The following EPHB4 variants were observed in gnomAD, a reference collection of about 807,000 sequenced individuals.
EPHB4 encodes EPH receptor B4.
Under a neutral mutation model 110.6 loss-of-function variants are expected in EPHB4, and 50 were observed. That is an observed-to-expected ratio of 0.45 (90% CI 0.36 to 0.57). The LOEUF (loss-of-function observed/expected upper bound fraction) is 0.57, where lower values mean the gene tolerates loss of function less well. Among genes scored for constraint, EPHB4 ranks in the 20% least tolerant of loss-of-function variants. The pLI is 0.00. For synonymous variants in EPHB4, 592 were observed against 578.4 expected (o/e 1.02, Z -0.34); for missense variants, 1,128 against 1,382.1 (o/e 0.82, Z 2.91).
chr7:100,809,508 C>T (rs930197692), intron 12 of EPHB4, among the ~76,000 whole-genome samples: 2 of 152,118 alleles, frequency 1.3e-5, no homozygotes, highest in African/African-American at 4.8e-5. Flanking sequence ...CCAGTTTCAC[C>T]TGTGCTGGTC....
intron 5 of EPHB4, 115 bp downstream of exon 5, chr7:100,820,026 A>G (rs1166266860): frequency 1.3e-6 from 2 of 1,511,760 alleles, no homozygotes; most frequent in Non-Finnish European, 1.8e-6. Flanking sequence ...GGCTAGGGAC[A>G]AGCATGCCAG....
chr7:100,822,854 C>T lies in EPHB4; in HGVS notation c.412-187G>A, dbSNP rs1449911729. Among the ~76,000 whole-genome samples, 2 of 152,222 alleles carry T rather than the reference C, an allele frequency of 1.3e-5. No homozygotes were observed. The highest frequency in any genetic ancestry group is 2.9e-5 in the Non-Finnish European group (2 of 68,044). ...TCCATTCAGCCTTGCAAAGCTCCTG[C>T]GATATGCCCGGCCTCTGGCCTGCAC... On this transcript the variant is annotated intron_variant, in intron 3 of 16. Coordinates refer to ENST00000358173, the MANE Select transcript of EPHB4 (RefSeq NM_004444.5). The surrounding 1 kb of genome is among the most constrained non-coding windows in gnomAD (Gnocchi z 4.7).
chr7:100,814,403 G>T (rs1401708389), intron 8 of EPHB4, among the ~76,000 whole-genome samples: 1 of 152,122 alleles, frequency 6.6e-6, no homozygotes, highest in Non-Finnish European at 1.5e-5. Flanking sequence ...TCAGCCTCCT[G>T]AGTAGCTGGG....
intron 4 of EPHB4, among the ~76,000 whole-genome samples, chr7:100,821,686 C>G (rs1353708214): frequency 6.6e-6 from 1 of 150,906 alleles, no homozygotes; most frequent in Non-Finnish European, 1.5e-5. Flanking sequence ...CCAGGCTGAT[C>G]TCGAACTCCT....
intron 5 of EPHB4, 123 bp downstream of exon 5, chr7:100,820,018 C>G: frequency 6.7e-7 from 1 of 1,499,906 alleles, no homozygotes; most frequent in Non-Finnish European, 8.9e-7. Context: ...TTCCTCCGGG[C>G]TAGGGACAAG....
chr7:100,805,209 C>T lies in EPHB4; in HGVS notation c.2791G>A (p.Ala931Thr), dbSNP rs1304579305. 1 of 1,613,014 alleles carries T rather than the reference C, an allele frequency of 6.2e-7. No homozygotes were observed. The highest frequency in any genetic ancestry group is 8.5e-7 in the Non-Finnish European group (1 of 1,179,526). ...ACCAGCTCGAAGGAGCCAAAGCCAG[C>T]GGCTGCGAAACTTTCTTCGTATCTT... Reference protein sequence around the residue: ...MGRYEESFAAAGFGSFELVSQ... With the variant: ...MGRYEESFAATGFGSFELVSQ... The change falls in exon 16 of 17, where the codon GCT (alanine) becomes ACT (threonine). Residue 931 changes from alanine (A) to threonine (T), a missense_variant. Physicochemically the swap from Ala to Thr is moderately conservative, Grantham distance 58. Transcript: ENST00000358173.
Position 100,806,502 on chromosome 7 carries a change from C to T in EPHB4, c.2402G>A (p.Ser801Asn). The T allele has an allele frequency of 6.2e-7, 1 of 1,614,182 alleles. No homozygotes were observed. The highest frequency in any genetic ancestry group is 8.5e-7 in the Non-Finnish European group (1 of 1,180,036). ...AIAFRKFTSA[S>N]DAWSYGIVMW... ...CACAATCCCGTAACTCCAGGCATCACTGGCGGAAGTGAACTTCCGGAAGGC... is the reference window on the plus strand; with the variant it reads ...CACAATCCCGTAACTCCAGGCATCATTGGCGGAAGTGAACTTCCGGAAGGC... The change falls in exon 14 of 17, where the codon AGT (serine) becomes AAT (asparagine). Residue 801 changes from serine (S) to asparagine (N), a missense_variant. Ser to Asn is a conservative substitution (Grantham distance 46). Transcript: ENST00000358173.
intron 14 of EPHB4, 123 bp downstream of exon 14, chr7:100,806,295 CCT>C: frequency 8.4e-7 from 1 of 1,189,986 alleles, no homozygotes; most frequent in Non-Finnish European, 1.2e-6. Flanking sequence ...GATCAATTCT[CCT>C]TTTTGTCATC....
intron 16 of EPHB4, among the ~76,000 whole-genome samples, chr7:100,803,898 C>T (rs551853210): frequency 2.6e-5 from 4 of 151,970 alleles, no homozygotes; most frequent in Non-Finnish European, 2.9e-5. Flanking sequence ...CACAGATTGC[C>T]GTAGAGGGAA....
intron 1 of EPHB4, 58 bp downstream of exon 1, chr7:100,826,921 T>C: frequency 1.3e-6 from 2 of 1,495,248 alleles, no homozygotes; most frequent in Non-Finnish European, 9.0e-7. Flanking sequence ...GAGGCCCAGA[T>C]GTTGGGGGGG....
intron 8 of EPHB4, among the ~76,000 whole-genome samples, chr7:100,816,807 G>T (rs1378102959): frequency 1.3e-5 from 2 of 152,116 alleles, no homozygotes; most frequent in Non-Finnish European, 2.9e-5. Flanking sequence ...ACTTTGACCG[G>T]GTGCAGTGGC....
At chr7:100,803,704 C>G (rs991358282) in intron 16 of EPHB4, 114 bp from the exon 17 acceptor site, 1 of 1,304,990 alleles carries the variant, frequency 7.7e-7, no homozygotes, top group South Asian at 2.0e-5. Flanking sequence ...GAAAAGCCAG[C>G]GGGGGAGGGA....
At position 100,827,112 on chromosome 7, in the gene EPHB4, G is replaced by T; in HGVS notation, c.-82C>A. ...AGGTCTGACTCTCCCTGGGCGGGTG[G>T]ACGCCGATACTCCGCGCGGGACTCC... On this transcript the variant is annotated 5_prime_UTR_variant, in exon 1 of 17. Coordinates refer to ENST00000358173, the MANE Select transcript of EPHB4 (RefSeq NM_004444.5). 1 of 1,462,228 alleles carries T rather than the reference G, an allele frequency of 6.8e-7. No homozygotes were observed. Among genetic ancestry groups the T allele is most frequent in the South Asian group, 1.2e-5 (1 of 80,642 alleles). 90.6% of individuals were successfully genotyped at this position (1,462,228 alleles called of 1,614,324 possible). A position where few individuals can be genotyped will look rare whatever the true frequency, so the allele number is the denominator to read the frequency against.
At chr7:100,808,671 A>G (rs929065428) in intron 12 of EPHB4, among the ~76,000 whole-genome samples, 2 of 152,216 alleles carry the variant, frequency 1.3e-5, no homozygotes, top group African/African-American at 2.4e-5. Flanking sequence ...CTGAAGCCCA[A>G]CCTTGACCTT....
chr7:100,813,396 A>C lies in EPHB4; in HGVS notation c.1757-188T>G, dbSNP rs1050226306. Reference sequence around the variant, plus strand: ...AGTGGCGCGATCTTGGCTCACTGCAATCTCCGCCTCCCGGGTTAAAATGAT... The same window carrying C: ...AGTGGCGCGATCTTGGCTCACTGCACTCTCCGCCTCCCGGGTTAAAATGAT... On this transcript the variant is annotated intron_variant, in intron 10 of 16. Transcript: ENST00000358173. 4.7e-6 allele frequency: 3 copies of C among 640,448 alleles called. No individual in the cohort carries two copies. In the African/African-American group the frequency reaches 5.6e-5, roughly 12 times the overall value. The allele number at this position is 640,448 out of a possible 1,614,324, so 39.7% of individuals were successfully genotyped here. A position where few individuals can be genotyped will look rare whatever the true frequency, so the allele number is the denominator to read the frequency against.
In EPHB4 at chr7:100,819,608, C is replaced by T. The variant is rs1813167045; in HGVS notation, c.1246G>A (p.Ala416Thr). ...GGCTCAAATGGGACGGGCCCCGTGG[C>T]TAAGGAGGATACCCCGTTCAATGCA... ...VTALNGVSSL[A>T]TGPVPFEPVN... Residue 416 changes from alanine to threonine, a missense_variant, in exon 6 of 17, where the codon GCC (alanine) becomes ACC (threonine). This residue lies in a region of EPHB4 where 728 missense variants were observed against 828.6 expected (regional missense o/e 0.88). Coordinates refer to ENST00000358173, the MANE Select transcript of EPHB4 (RefSeq NM_004444.5). The T allele has an allele frequency of 1.3e-6, 2 of 1,597,390 alleles. No individual in the cohort carries two copies. The highest frequency in any genetic ancestry group is 4.5e-5 in the East Asian group (2 of 44,438).
chr7:100,802,696 C>T lies in EPHB4; in HGVS notation c.*765G>A. 1 of 152,362 alleles carries T rather than the reference C, an allele frequency of 6.6e-6. No homozygotes were observed. The highest frequency in any genetic ancestry group is 1.5e-5 in the Non-Finnish European group (1 of 68,054). The allele number at this position is 152,362 out of a possible 1,614,324, so 9.4% of individuals were successfully genotyped here. A position where few individuals can be genotyped will look rare whatever the true frequency, so the allele number is the denominator to read the frequency against. On this transcript the variant is annotated 3_prime_UTR_variant, in exon 17 of 17. Coordinates refer to ENST00000358173, the MANE Select transcript of EPHB4 (RefSeq NM_004444.5). ...CCACCACCAACTACCGCCCTTTTCA[C>T]TACCTCACCCCACACCCCTTCATAG...
rs1417508111 is a variant in EPHB4, at chr7:100,806,539, G to A, written c.2365C>T (p.Pro789Ser). Reference sequence around the variant, plus strand: ...AACTTCCGGAAGGCAATGGCCTCCGGGGCAGTCCATCGGATGGGAATCTTT... The same window carrying A: ...AACTTCCGGAAGGCAATGGCCTCCGAGGCAGTCCATCGGATGGGAATCTTT... ...GGKIPIRWTAPEAIAFRKFTS... is the reference protein window; with the variant it reads ...GGKIPIRWTASEAIAFRKFTS... Residue 789 changes from proline to serine, a missense_variant, in exon 14 of 17, where the codon CCG (proline) becomes TCG (serine). This residue lies in a region of EPHB4 where 191 missense variants were observed against 313.0 expected (regional missense o/e 0.61). Coordinates refer to ENST00000358173, the MANE Select transcript of EPHB4 (RefSeq NM_004444.5). 6.2e-7 allele frequency: 1 copy of A among 1,613,914 alleles called. No homozygotes were observed. Among genetic ancestry groups the A allele is most frequent in the Non-Finnish European group, 8.5e-7 (1 of 1,180,002 alleles).
chr7:100,803,738 G>T, intron 16 of EPHB4, 148 bp from the exon 17 acceptor site: 1 of 1,130,992 alleles, frequency 8.8e-7, no homozygotes, highest in Non-Finnish European at 1.2e-6. Context: ...CAGTTCCCGG[G>T]CAGTTTTTTT....
Sources: gnomAD v4.1 joint callset for allele counts (sites outside exome capture counted in the v4.1 genomes callset) on GRCh38, gnomAD v4.1.1 for gene constraint, gnomAD v4.1.1 regional missense constraint, Gnocchi (gnomAD v3.1) non-coding constraint, MANE v1.5 for transcripts, NCBI Gene and HGNC (gene_info 2026-07-23, HGNC 2026-07-21) for gene names.